Variants in FRMD4A observed in about 807,000 individuals in gnomAD.
FRMD4A encodes the protein FERM domain-containing protein 4A.
FRMD4A carries 29 observed loss-of-function variants against 129.1 expected under a neutral mutation model. The ratio of observed to expected loss-of-function variants is 0.22; its 90% CI spans 0.17 to 0.31. The LOEUF is 0.31. Among genes scored for constraint, FRMD4A ranks in the 10% least tolerant of loss-of-function variants. FRMD4A has a pLI of 1.00. For synonymous variants in FRMD4A, 634 were observed against 571.6 expected (o/e 1.11, Z -1.56); for missense variants, 1,272 against 1,375.8 (o/e 0.92, Z 1.19).
chr10:14,185,650 C>CGGTTG (rs1842099837), intron 2 of FRMD4A, among the ~76,000 whole-genome samples: 1 of 152,026 alleles, frequency 6.6e-6, no homozygotes, highest in Non-Finnish European at 1.5e-5. Flanking sequence ...GCTGCAGGGG[C>CGGTTG]GGTTGTTAGC....
chr10:14,052,294 T>C (rs1356888986), intron 2 of FRMD4A, among the ~76,000 whole-genome samples: 2 of 152,254 alleles, frequency 1.3e-5, no homozygotes, highest in Admixed American at 1.3e-4. Flanking sequence ...TTGCAGTGTT[T>C]TGTTATGGCA....
chr10:14,281,705 G>A (rs1448574441), intron 2 of FRMD4A, among the ~76,000 whole-genome samples: 1 of 152,190 alleles, frequency 6.6e-6, no homozygotes, highest in Non-Finnish European at 1.5e-5. Context: ...TCTCCCAGCT[G>A]AAACTCCATA....
At chr10:13,654,203 A>G in intron 23 of FRMD4A, 1 of 588,352 alleles carries the variant, frequency 1.7e-6, no homozygotes, top group African/African-American at 1.9e-5. Context: ...CTACTTTAAG[A>G]GAACACAGAC....
intron 2 of FRMD4A, among the ~76,000 whole-genome samples, chr10:14,230,101 C>G (rs1011026641): frequency 1.3e-5 from 2 of 152,170 alleles, no homozygotes; most frequent in Non-Finnish European, 2.9e-5. Context: ...CTAATGACAG[C>G]CATGTATACA....
intron 8 of FRMD4A, chr10:13,756,110 C>T (rs1376030264): frequency 1.3e-5 from 2 of 152,174 alleles, no homozygotes; most frequent in African/African-American, 4.8e-5. Flanking sequence ...TCAGTATATC[C>T]AGTCCTCGGA....
chr10:13,871,350 C>G (rs2094437256), intron 2 of FRMD4A, among the ~76,000 whole-genome samples: 2 of 152,292 alleles, frequency 1.3e-5, no homozygotes, highest in Middle Eastern at 3.4e-3. Flanking sequence ...GGACACCGGA[C>G]CAGCGGCCTC....
chr10:14,236,532 C>A (rs1345184327), intron 2 of FRMD4A, among the ~76,000 whole-genome samples: 3 of 152,186 alleles, frequency 2.0e-5, no homozygotes, highest in African/African-American at 7.2e-5. Context: ...CCTGGGTCAG[C>A]TCTGCGGATC....
Position 14,236,995 on chromosome 10 carries a change from C to CAAAAAAA in FRMD4A, c.45+93056_45+93062dup, listed in dbSNP as rs71477244. Among the ~76,000 whole-genome samples the CAAAAAAA allele has an allele frequency of 3.0e-3, 229 of 75,384 alleles. 9 individuals carry two copies. The highest frequency in any genetic ancestry group is 1.0e-2 in the African/African-American group (212 of 21,240). The allele number at this position is 75,384 out of a possible 152,430, so 49.5% of individuals were successfully genotyped here. A position where few individuals can be genotyped will look rare whatever the true frequency, so the allele number is the denominator to read the frequency against. ...CTGAGAAGGAACTCCAACAGGTCAG[C>CAAAAAAA]AAAAAAAAAAAAAAAAAAAAAAAAA... On this transcript the variant is annotated intron_variant, in intron 2 of 24. Transcript: ENST00000357447.
At chr10:14,262,222 G>A (rs966183798) in intron 2 of FRMD4A, among the ~76,000 whole-genome samples, 1 of 152,102 alleles carries the variant, frequency 6.6e-6, no homozygotes, top group Non-Finnish European at 1.5e-5. Flanking sequence ...TGAAAACTGA[G>A]CTAAGAGATC....
chr10:13,879,005 A>G (rs2094519015), intron 2 of FRMD4A, among the ~76,000 whole-genome samples: 1 of 152,200 alleles, frequency 6.6e-6, no homozygotes, highest in African/African-American at 2.4e-5. Flanking sequence ...AAAAGTATAA[A>G]AGTACAGAGT....
chr10:13,830,903 C>A (rs2130938708), intron 3 of FRMD4A, among the ~76,000 whole-genome samples: 1 of 152,292 alleles, frequency 6.6e-6, no homozygotes, highest in South Asian at 2.1e-4. Flanking sequence ...GATTCTCATG[C>A]CTCAGCCTCC....
At chr10:13,889,653 T>C (rs975316354) in intron 2 of FRMD4A, among the ~76,000 whole-genome samples, 4 of 152,134 alleles carry the variant, frequency 2.6e-5, no homozygotes, top group African/African-American at 7.2e-5. Context: ...AAAAACAATA[T>C]AGCAATAGCA....
At chr10:13,831,925 G>A (rs1295947093) in intron 3 of FRMD4A, among the ~76,000 whole-genome samples, 1 of 147,162 alleles carries the variant, frequency 6.8e-6, no homozygotes, top group Non-Finnish European at 1.5e-5. Context: ...TCCAGGCCAA[G>A]AGCTCAGGGC....
chr10:14,234,590 T>G (rs890073544), intron 2 of FRMD4A, among the ~76,000 whole-genome samples: 2 of 152,234 alleles, frequency 1.3e-5, no homozygotes, highest in African/African-American at 2.4e-5. Flanking sequence ...ACACATTTAA[T>G]GCCAAAGCCA....
intron 15 of FRMD4A, among the ~76,000 whole-genome samples, chr10:13,681,443 G>C (rs2084575702): frequency 6.6e-6 from 1 of 151,110 alleles, no homozygotes; most frequent in Admixed American, 6.6e-5. Flanking sequence ...TATTGATTGA[G>C]AAAACAGTAG....
At position 14,185,711 on chromosome 10, in the gene FRMD4A, C is replaced by T. The variant is rs548011850; in HGVS notation, c.45+144347G>A. On this transcript the variant is annotated intron_variant, in intron 2 of 24. Transcript: ENST00000357447. ...AGCAGCAGCTCAACAGTGGCACCTT[C>T]AGTAGTTCTAGAGAGAAGGGATGGC... Among the ~76,000 whole-genome samples the T allele has an allele frequency of 9.2e-5, 14 of 152,274 alleles. No homozygotes were observed. In the East Asian group the frequency reaches 2.7e-3, roughly 29 times the overall value.
At chr10:14,234,694 G>A (rs955743787) in intron 2 of FRMD4A, among the ~76,000 whole-genome samples, 2 of 152,018 alleles carry the variant, frequency 1.3e-5, no homozygotes, top group South Asian at 2.1e-4. Flanking sequence ...TAACCACAGC[G>A]TAAGCTCGAT....
chr10:14,062,993 C>T (rs1167808106), intron 2 of FRMD4A, among the ~76,000 whole-genome samples: 1 of 152,136 alleles, frequency 6.6e-6, no homozygotes, highest in Non-Finnish European at 1.5e-5. Flanking sequence ...ATGTGCTGAT[C>T]CTATCGACGT....
intron 2 of FRMD4A, among the ~76,000 whole-genome samples, chr10:13,961,194 A>G (rs571346001): frequency 6.6e-6 from 1 of 152,332 alleles, no homozygotes; most frequent in Non-Finnish European, 1.5e-5. Context: ...TTCTCCGCCA[A>G]CTTACAAAGA....
Sources: allele counts gnomAD v4.1 joint callset (sites outside exome capture counted in the v4.1 genomes callset), GRCh38; gene constraint gnomAD v4.1.1; transcripts MANE v1.5; gene names NCBI Gene and HGNC (gene_info 2026-07-23, HGNC 2026-07-21).